The following CEP85L variants were observed in gnomAD, a reference collection of about 807,000 sequenced individuals.
The protein encoded by CEP85L is centrosomal protein 85L.
A neutral mutation model predicts 100.3 loss-of-function variants in CEP85L; 60 were observed. The observed-to-expected ratio is 0.60, with a 90% confidence interval of 0.49 to 0.74. CEP85L has a LOEUF of 0.74. CEP85L is among the 30% of genes least tolerant of loss of function. The probability of loss-of-function intolerance (pLI) is 0.00; values close to 1 mark genes in which losing one functional copy is unlikely to be tolerated. For synonymous variants in CEP85L, 319 were observed against 322.7 expected (o/e 0.99, Z 0.12); for missense variants, 973 against 936.2 (o/e 1.04, Z -0.51).
chr6:118,602,098 G>T lies in CEP85L; in HGVS notation c.232+30355C>A, dbSNP rs557997575. ...CCCTTAATCCTAATGATTGCAGAGG[G>T]ATGAAGATCCATCTTCTTCTGTAAC... On this transcript the variant is annotated intron_variant, in intron 2 of 12. Transcript: ENST00000368491. Among the ~76,000 whole-genome samples the T allele has an allele frequency of 1.3e-3, 201 of 152,228 alleles. No homozygotes were observed. The Middle Eastern group carries it at 0.017, about 13-fold the overall frequency.
chr6:118,624,294 A>G (rs1364325465), intron 2 of CEP85L, among the ~76,000 whole-genome samples: 1 of 152,120 alleles, frequency 6.6e-6, no homozygotes, highest in Non-Finnish European at 1.5e-5. Flanking sequence ...TATACTAACC[A>G]TACCCTTTGC....
chr6:118,559,474 A>G (rs1452849009), intron 3 of CEP85L: 1 of 247,628 alleles, frequency 4.0e-6, no homozygotes, highest in African/African-American at 2.3e-5. Context: ...TTATATTACA[A>G]TGTAAAAGCT....
intron 3 of CEP85L, among the ~76,000 whole-genome samples, chr6:118,539,778 A>G (rs1468668465): frequency 6.6e-6 from 1 of 152,130 alleles, no homozygotes; most frequent in Non-Finnish European, 1.5e-5. Flanking sequence ...TACTAAAGGG[A>G]GCTATCTTGA....
chr6:118,539,588 T>C (rs910361394), intron 3 of CEP85L, among the ~76,000 whole-genome samples: 3 of 152,032 alleles, frequency 2.0e-5, no homozygotes, highest in African/African-American at 7.3e-5. Flanking sequence ...TATTTTTTAC[T>C]TTTTTTTGTT....
intron 2 of CEP85L, among the ~76,000 whole-genome samples, chr6:118,587,238 T>C (rs1228238769): frequency 6.6e-6 from 1 of 152,200 alleles, no homozygotes; most frequent in Non-Finnish European, 1.5e-5. Flanking sequence ...GGACATGGTA[T>C]GGGAACACTT....
chr6:118,466,573 T>C (rs1161259190), intron 12 of CEP85L, among the ~76,000 whole-genome samples: 1 of 152,068 alleles, frequency 6.6e-6, no homozygotes, highest in African/African-American at 2.4e-5. Flanking sequence ...AACTGCAAAA[T>C]GAACAAAAGT....
chr6:118,464,663 T>C lies in CEP85L; in HGVS notation c.*742A>G, dbSNP rs900540191. On this transcript the variant is annotated 3_prime_UTR_variant, in exon 13 of 13. Coordinates refer to ENST00000368491, the MANE Select transcript of CEP85L (RefSeq NM_001042475.3). ...AACATGTTAAAATTAGTTCAAGTTA[T>C]GTTAACCTTTCTTGTAACACATACA... The C allele has an allele frequency of 6.6e-6, 1 of 152,052 alleles. No individual in the cohort carries two copies. The allele number at this position is 152,052 out of a possible 1,614,324, so 9.4% of individuals were successfully genotyped here.
intron 1 of CEP85L, among the ~76,000 whole-genome samples, chr6:118,692,995 A>G (rs1777096448): frequency 6.6e-6 from 1 of 152,364 alleles, no homozygotes; most frequent in Admixed American, 6.5e-5. Flanking sequence ...AAAAAGAGGC[A>G]TAGAAAGATT....
intron 1 of CEP85L, among the ~76,000 whole-genome samples, chr6:118,636,432 T>C (rs565397770): frequency 5.6e-5 from 8 of 143,734 alleles, no homozygotes; most frequent in African/African-American, 2.4e-4. Context: ...CCAGAATAAA[T>C]GATCTCAGTT....
chr6:118,601,805 A>G (rs1181714152), intron 2 of CEP85L, among the ~76,000 whole-genome samples: 1 of 152,180 alleles, frequency 6.6e-6, no homozygotes, highest in Non-Finnish European at 1.5e-5. Flanking sequence ...GGAGTGTCGC[A>G]GTGAGGACAA....
At position 118,651,529 on chromosome 6, in the gene CEP85L, G is replaced by A; in HGVS notation, c.-260C>T. 1 of 1,270,060 alleles carries A rather than the reference G, an allele frequency of 7.9e-7. No homozygotes were observed. The highest frequency in any genetic ancestry group is 9.9e-7 in the Non-Finnish European group (1 of 1,008,510). 78.7% of individuals were successfully genotyped at this position (1,270,060 alleles called of 1,614,324 possible). A position where few individuals can be genotyped will look rare whatever the true frequency, so the allele number is the denominator to read the frequency against. On this transcript the variant is annotated 5_prime_UTR_variant, in exon 1 of 13. Transcript: ENST00000368491. ...AAGCGGCGACTCGGCGGTGACGGCT[G>A]CTAGATCCCCGGCTGAGCCCAGGCT...
chr6:118,596,255 T>C (rs923576065), intron 2 of CEP85L, among the ~76,000 whole-genome samples: 14 of 152,176 alleles, frequency 9.2e-5, no homozygotes, highest in Non-Finnish European at 1.6e-4. Context: ...ATATATGGCA[T>C]GTTTTAAAGT....
intron 3 of CEP85L, among the ~76,000 whole-genome samples, chr6:118,550,291 AT>A (rs1778466686): frequency 6.6e-6 from 1 of 151,890 alleles, no homozygotes; most frequent in Non-Finnish European, 1.5e-5. Context: ...ATAATAAAAT[AT>A]TGCATAAATA....
rs1362035630 is a variant in CEP85L at position 118,462,247 on chromosome 6, T to A, written c.*3158A>T. On this transcript the variant is annotated 3_prime_UTR_variant, in exon 13 of 13. Transcript: ENST00000368491. The stretch of plus-strand genomic sequence containing the variant: ...TTAGCATTAAATATTGAATCCTAGG[T>A]GCCACACTTCTTTTAAAATGACCTC... The A allele has an allele frequency of 1.3e-5, 2 of 152,014 alleles. No individual in the cohort carries two copies. Among genetic ancestry groups the A allele is most frequent in the African/African-American group, 4.8e-5 (2 of 41,436 alleles). 9.4% of individuals were successfully genotyped at this position (152,014 alleles called of 1,614,324 possible).
In CEP85L at chr6:118,608,272, G is replaced by A. The variant is rs192931779; in HGVS notation, c.232+24181C>T. 2.2e-3 allele frequency among the ~76,000 whole-genome samples: 341 copies of A among 152,256 alleles called. 2 individuals are homozygous for A. Among genetic ancestry groups the A allele is most frequent in the African/African-American group, 8.0e-3 (334 of 41,564 alleles). On this transcript the variant is annotated intron_variant, in intron 2 of 12. Coordinates refer to ENST00000368491, the MANE Select transcript of CEP85L (RefSeq NM_001042475.3). Reference sequence around the variant, plus strand: ...GCACTTTAGGAGGCCGAGGCAGGCGGATCACGAGGTCAGGAGATCGAGACC... The same window carrying A: ...GCACTTTAGGAGGCCGAGGCAGGCGAATCACGAGGTCAGGAGATCGAGACC...
chr6:118,487,618 C>T lies in CEP85L; in HGVS notation c.1438-3760G>A, dbSNP rs180978918. ...CAATACAGCATATGATCAGAAGGAA[C>T]CTGTTGGGAAAGAAAATAGTTGGAT... On this transcript the variant is annotated intron_variant, in intron 6 of 12. Coordinates refer to ENST00000368491, the MANE Select transcript of CEP85L (RefSeq NM_001042475.3). Among the ~76,000 whole-genome samples the T allele has an allele frequency of 1.1e-3, 169 of 152,292 alleles. 1 individual carries two copies. The highest frequency in any genetic ancestry group is 3.8e-3 in the African/African-American group (159 of 41,568).
rs547773946 is a variant in CEP85L, at chr6:118,661,548, T to C, written c.-27-8740A>G. 2.2e-4 allele frequency among the ~76,000 whole-genome samples: 34 copies of C among 152,202 alleles called. No homozygotes were observed. The South Asian group carries it at 7.1e-3, about 32-fold the overall frequency. ...ATTCAGAATCCTTAAGGGTTTATTTTAGTTAAAATGTTTAGGACTAATGCA... is the reference window on the plus strand; with the variant it reads ...ATTCAGAATCCTTAAGGGTTTATTTCAGTTAAAATGTTTAGGACTAATGCA... On this transcript the variant is annotated intron_variant, in intron 1 of 13. Coordinates refer to the CEP85L transcript ENST00000368488.
upstream of CEP85L, chr6:118,652,857 CT>C: frequency 1.3e-6 from 1 of 787,824 alleles, no homozygotes; most frequent in South Asian, 1.8e-5. Context: ...TGATTGGTTC[CT>C]TTTTATTATT....
intron 3 of CEP85L, among the ~76,000 whole-genome samples, chr6:118,529,371 G>T (rs1432459432): frequency 1.3e-5 from 2 of 152,198 alleles, no homozygotes; most frequent in African/African-American, 2.4e-5. Context: ...ACTTTGGGAG[G>T]CCAAGGTGGG....
Sources: gnomAD v4.1 joint callset for allele counts (sites outside exome capture counted in the v4.1 genomes callset) on GRCh38, gnomAD v4.1.1 for gene constraint, MANE v1.5 for transcripts, NCBI Gene and HGNC (gene_info 2026-07-23, HGNC 2026-07-21) for gene names.